The following GPC6 variants were observed in gnomAD, a reference collection of about 807,000 sequenced individuals.
GPC6 encodes the protein glypican 6.
GPC6 carries 14 observed loss-of-function variants against 55.2 expected under a neutral mutation model. That is an observed-to-expected ratio of 0.25 (90% CI 0.17 to 0.40). The LOEUF is 0.40. GPC6 is among the 10% of genes least tolerant of loss of function. The probability of loss-of-function intolerance (pLI) is 1.00; values close to 1 mark genes in which losing one functional copy is unlikely to be tolerated. For synonymous variants in GPC6, 278 were observed against 259.6 expected (o/e 1.07, Z -0.68); for missense variants, 641 against 708.5 (o/e 0.90, Z 1.08).
At chr13:94,180,295 A>C (rs1269691891) in intron 4 of GPC6, among the ~76,000 whole-genome samples, 2 of 152,168 alleles carry the variant, frequency 1.3e-5, no homozygotes, top group African/African-American at 4.8e-5. Flanking sequence ...TAACTCCTTA[A>C]GACATACGTT....
intron 3 of GPC6, among the ~76,000 whole-genome samples, chr13:93,905,877 T>A (rs1876636991): frequency 6.6e-6 from 1 of 152,232 alleles, no homozygotes; most frequent in Non-Finnish European, 1.5e-5. Context: ...GAAGAAGGTA[T>A]GTGAACAATA....
chr13:94,309,835 C>G (rs942877143), intron 6 of GPC6, among the ~76,000 whole-genome samples: 1 of 151,512 alleles, frequency 6.6e-6, no homozygotes, highest in African/African-American at 2.4e-5. Flanking sequence ...TTGTCACCAA[C>G]AAACTCCCCT....
At chr13:93,988,232 AT>A (rs1881122763) in intron 3 of GPC6, among the ~76,000 whole-genome samples, 1 of 152,120 alleles carries the variant, frequency 6.6e-6, no homozygotes, top group African/African-American at 2.4e-5. Flanking sequence ...AAAGACTTAC[AT>A]TTGGAAAGTT....
intron 2 of GPC6, among the ~76,000 whole-genome samples, chr13:93,703,638 C>T (rs968415283): frequency 6.6e-6 from 1 of 151,654 alleles, no homozygotes; most frequent in African/African-American, 2.4e-5. Context: ...TAGTCCACCC[C>T]CCGCCCCCGT....
intron 3 of GPC6, among the ~76,000 whole-genome samples, chr13:93,976,236 C>T (rs906358792): frequency 2.0e-5 from 3 of 152,038 alleles, no homozygotes; most frequent in African/African-American, 7.2e-5. Context: ...TGTGATGAAA[C>T]TGTCAAATCT....
intron 1 of GPC6, among the ~76,000 whole-genome samples, chr13:93,496,677 GGCTCTGCCATTTACAA>G (rs1880306201): frequency 6.6e-6 from 1 of 152,140 alleles, no homozygotes; most frequent in South Asian, 2.1e-4. Flanking sequence ...CAGATTGTCT[GGCTCTGCCATTTACAA>G]GCTCTGTGAC....
chr13:93,678,284 A>G (rs1230731453), intron 2 of GPC6, among the ~76,000 whole-genome samples: 1 of 152,178 alleles, frequency 6.6e-6, no homozygotes, highest in African/African-American at 2.4e-5. Context: ...TTTATACAAT[A>G]CATAGCATTC....
chr13:94,148,312 T>C (rs901136251), intron 4 of GPC6, among the ~76,000 whole-genome samples: 1 of 152,336 alleles, frequency 6.6e-6, no homozygotes, highest in East Asian at 1.9e-4. Flanking sequence ...ATTTCAAATA[T>C]GGTTAGGAGG....
At chr13:93,483,909 G>T (rs1247184208) in intron 1 of GPC6, among the ~76,000 whole-genome samples, 6 of 152,134 alleles carry the variant, frequency 3.9e-5, no homozygotes, top group Non-Finnish European at 8.8e-5. Flanking sequence ...TGTGTGCCCT[G>T]TATTTGAATG....
chr13:93,557,054 T>C (rs1430840655), intron 2 of GPC6, among the ~76,000 whole-genome samples: 2 of 152,224 alleles, frequency 1.3e-5, no homozygotes, highest in Non-Finnish European at 2.9e-5. Context: ...GTGCCTGATC[T>C]CTAAGGAATC....
chr13:93,714,963 A>G (rs1378184776), intron 2 of GPC6, among the ~76,000 whole-genome samples: 1 of 151,470 alleles, frequency 6.6e-6, no homozygotes, highest in Admixed American at 6.6e-5. Flanking sequence ...ACAGGGGTAT[A>G]TTTTTACTAT....
chr13:93,358,993 T>G (rs1880952748), intron 1 of GPC6, among the ~76,000 whole-genome samples: 1 of 151,340 alleles, frequency 6.6e-6, no homozygotes, highest in Non-Finnish European at 1.5e-5. Context: ...TTTTTTGTTT[T>G]TTTTTTCACT....
At chr13:93,864,989 C>A (rs1203504478) in intron 3 of GPC6, among the ~76,000 whole-genome samples, 2 of 151,588 alleles carry the variant, frequency 1.3e-5, no homozygotes, top group Non-Finnish European at 3.0e-5. Context: ...GAAATAGGTT[C>A]ATTTGTTTAT....
At chr13:94,203,756 A>T (rs1379144198) in intron 4 of GPC6, among the ~76,000 whole-genome samples, 2 of 152,208 alleles carry the variant, frequency 1.3e-5, no homozygotes, top group African/African-American at 4.8e-5. Flanking sequence ...TTAAATCTGT[A>T]CGTTTCTTCT....
intron 2 of GPC6, among the ~76,000 whole-genome samples, chr13:93,738,250 CAT>C (rs1276346932): frequency 2.0e-5 from 3 of 152,016 alleles, no homozygotes; most frequent in African/African-American, 7.2e-5. Context: ...TTATATTTTT[CAT>C]ATGTTAGCTT....
chr13:94,218,497 A>G (rs1890287094), intron 4 of GPC6, among the ~76,000 whole-genome samples: 1 of 152,152 alleles, frequency 6.6e-6, no homozygotes, highest in African/African-American at 2.4e-5. Context: ...GCACCCCGTT[A>G]TTCTGCAGCT....
At chr13:93,506,063 A>C (rs992253888) in intron 1 of GPC6, among the ~76,000 whole-genome samples, 1 of 152,144 alleles carries the variant, frequency 6.6e-6, no homozygotes, top group African/African-American at 2.4e-5. Context: ...TCCTGTGACC[A>C]CTAGGCTTTG....
chr13:93,489,492 T>C (rs1205833639), intron 1 of GPC6, among the ~76,000 whole-genome samples: 3 of 151,478 alleles, frequency 2.0e-5, no homozygotes. Context: ...AAGTAGTTTT[T>C]TCCAATTCTG....
chr13:94,387,761 T>TCTCTCC (rs1164438173), intron 7 of GPC6, among the ~76,000 whole-genome samples: 2 of 118,822 alleles, frequency 1.7e-5, no homozygotes, highest in Admixed American at 8.6e-5. Flanking sequence ...TCTCTCTCTC[T>TCTCTCC]CTCTGCCGTG....
Sources: gnomAD v4.1 joint callset for allele counts (sites outside exome capture counted in the v4.1 genomes callset) on GRCh38, gnomAD v4.1.1 for gene constraint, MANE v1.5 for transcripts, NCBI Gene and HGNC (gene_info 2026-07-23, HGNC 2026-07-21) for gene names.